NISCH: variants seen among roughly 807,000 people sequenced by gnomAD.
NISCH encodes nischarin.
Under a neutral mutation model 138.4 loss-of-function variants are expected in NISCH, and 55 were observed. The observed-to-expected ratio is 0.40, with a 90% confidence interval of 0.32 to 0.50. The LOEUF is 0.50. NISCH is among the 20% of genes least tolerant of loss of function. The pLI is 0.71. For missense variants in NISCH, 1,643 were observed against 2,005.5 expected (o/e 0.82, Z 3.45); for synonymous variants, 860 against 861.5 (o/e 1.00, Z 0.03).
In NISCH at chr3:52,484,610, T is replaced by G. The variant is rs968305303; in HGVS notation, c.1626T>G (p.Asp542Glu). ...AGCCCATTGCCCAGGGATGTTCTGA[T>G]TCCTTGGAGTCCATCCCTGCGGGAC... ...EHQPIAQGCS[D>E]SLESIPAGQA... The change falls in exon 14 of 21, where the codon GAT becomes GAG. Residue 542 changes from aspartate (D) to glutamate (E), a missense_variant. Transcript: ENST00000345716. 1.2e-6 allele frequency: 2 copies of G among 1,613,868 alleles called. No homozygotes were observed. Among genetic ancestry groups the G allele is most frequent in the Non-Finnish European group, 1.7e-6 (2 of 1,180,014 alleles).
Position 52,490,738 on chromosome 3 carries a change from A to G in NISCH, c.3647A>G (p.Asn1216Ser), listed in dbSNP as rs200423743. The change falls in exon 19 of 21, where the codon AAC (asparagine) becomes AGC (serine). Residue 1216 changes from asparagine (N) to serine (S), a missense_variant. Physicochemically the swap from Asn to Ser is conservative, Grantham distance 46. Transcript: ENST00000345716. ...FWHQKNTDYNNSPFHISQCFV... is the reference protein window; with the variant it reads ...FWHQKNTDYNSSPFHISQCFV... ...CATCAGAAAAACACCGACTACAACAACAGCCCTTTCCACATCTCCCAGTGC... is the reference window on the plus strand; with the variant it reads ...CATCAGAAAAACACCGACTACAACAGCAGCCCTTTCCACATCTCCCAGTGC... 8.1e-6 allele frequency: 13 copies of G among 1,614,112 alleles called. No individual in the cohort carries two copies. In the East Asian group the frequency reaches 2.5e-4, roughly 30 times the overall value.
Position 52,487,665 on chromosome 3 carries a change from T to A in NISCH, c.2173T>A (p.Phe725Ile). The A allele has an allele frequency of 6.2e-7, 1 of 1,613,782 alleles. No homozygotes were observed. The highest frequency in any genetic ancestry group is 1.7e-5 in the Admixed American group (1 of 60,004). Residue 725 changes from phenylalanine to isoleucine, a missense_variant, in exon 16 of 21, where the codon TTC becomes ATC. By Grantham distance (21) the Phe-to-Ile change is conservative (BLOSUM62 0). Transcript: ENST00000345716. This position sits in a 1 kb window ranked among gnomAD's most constrained non-coding sequence, Gnocchi z 9.1. ...CCATGTGCAGGGCAGTATCCGCCAGTTCGCCGCCTGCCTTGTGCTCACCGA... is the reference window on the plus strand; with the variant it reads ...CCATGTGCAGGGCAGTATCCGCCAGATCGCCGCCTGCCTTGTGCTCACCGA... ...LIHVQGSIRQ[F>I]AACLVLTDFG...
intron 3 of NISCH, 151 bp downstream of exon 3, chr3:52,458,995 T>C (rs1055052444): frequency 2.2e-5 from 13 of 593,014 alleles, no homozygotes; most frequent in Admixed American, 3.2e-5. Context: ...TAGGAATGCA[T>C]TGTGGCCAGA....
Position 52,492,889 on chromosome 3 carries a change from G to A in NISCH, c.*407G>A, listed in dbSNP as rs564833054. 8.9e-5 allele frequency: 20 copies of A among 225,672 alleles called. No homozygotes were observed. Among genetic ancestry groups the A allele is most frequent in the African/African-American group, 4.3e-4 (19 of 43,866 alleles). The allele number at this position is 225,672 out of a possible 1,614,324, so 14.0% of individuals were successfully genotyped here. A position where few individuals can be genotyped will look rare whatever the true frequency, so the allele number is the denominator to read the frequency against. On this transcript the variant is annotated 3_prime_UTR_variant, in exon 21 of 21. Coordinates refer to ENST00000345716, the MANE Select transcript of NISCH (RefSeq NM_007184.4). ...GTTGGCATCTTGCTGCTAATCCTGA[G>A]GCTGGTAGCAGAATGCACATTGGAA...
intron 8 of NISCH, among the ~76,000 whole-genome samples, chr3:52,477,289 G>T (rs1559633435): frequency 6.6e-6 from 1 of 152,190 alleles, no homozygotes; most frequent in East Asian, 1.9e-4. Context: ...CAGGGTTGAA[G>T]AAGAACAGAC....
At chr3:52,468,720 G>A (rs1457330387) in intron 3 of NISCH, among the ~76,000 whole-genome samples, 1 of 152,084 alleles carries the variant, frequency 6.6e-6, no homozygotes, top group East Asian at 1.9e-4. Context: ...GGCTCTGTGT[G>A]CTCATTTTGC....
At position 52,487,487 on chromosome 3, in the gene NISCH, G is replaced by A. The variant is rs149246699; in HGVS notation, c.1995G>A (p.Glu665=). 414 of 1,601,560 alleles carry A rather than the reference G, an allele frequency of 2.6e-4. 1 individual carries two copies. Among genetic ancestry groups the A allele is most frequent in the Non-Finnish European group, 3.3e-4 (381 of 1,171,658 alleles). ...TGGGGCCCCCAGACGTGGAGGAGGA[G>A]GAGGGAGGAGGCCAGGGGGAGGAAG... ...FEMGPPDVEE[E]EGGGQGEEEE... is the part of the protein sequence containing the mutation. Residue 665 remains glutamate, a synonymous_variant, in exon 16 of 21, where the codon GAG becomes GAA. Transcript: ENST00000345716. This position sits in a 1 kb window ranked among gnomAD's most constrained non-coding sequence, Gnocchi z 9.1.
chr3:52,457,974 T>C, intron 2 of NISCH, 48 bp downstream of exon 2: 2 of 1,421,584 alleles, frequency 1.4e-6, no homozygotes, highest in Non-Finnish European at 9.9e-7. Flanking sequence ...GGGGGACCCG[T>C]AGGCCAACTT....
intron 7 of NISCH, among the ~76,000 whole-genome samples, chr3:52,475,345 A>G (rs1707070625): frequency 6.6e-6 from 1 of 152,218 alleles, no homozygotes; most frequent in South Asian, 2.1e-4. Flanking sequence ...GGTCTTGTCA[A>G]AACAAATAGG....
Position 52,459,905 on chromosome 3 carries a change from G to A in NISCH, c.360+1061G>A, listed in dbSNP as rs141623564. On this transcript the variant is annotated intron_variant, in intron 3 of 20. Transcript: ENST00000345716. ...GGTTAAAAAAAAAAAATCAGGCCAGGTGCAGTGGCTCATGCCTGTAATCCC... is the reference window on the plus strand; with the variant it reads ...GGTTAAAAAAAAAAAATCAGGCCAGATGCAGTGGCTCATGCCTGTAATCCC... Among the ~76,000 whole-genome samples the A allele has an allele frequency of 1.7e-3, 255 of 151,504 alleles. 2 individuals are homozygous for A. The highest frequency in any genetic ancestry group is 5.9e-3 in the African/African-American group (244 of 41,368).
intron 20 of NISCH, 165 bp downstream of exon 20, chr3:52,491,678 C>T: frequency 1.9e-6 from 2 of 1,044,988 alleles, no homozygotes; most frequent in Non-Finnish European, 2.7e-6. Context: ...GTCTCCACTC[C>T]AGCAGTCCCT....
At chr3:52,489,905 C>T in intron 17 of NISCH, 170 bp from the exon 18 acceptor site, 1 of 1,184,990 alleles carries the variant, frequency 8.4e-7, no homozygotes, top group East Asian at 2.6e-5. Context: ...AGGTAGACCT[C>T]CCACCAACAG....
In NISCH at chr3:52,493,064, C is replaced by G. The variant is rs1483376787; in HGVS notation, c.*582C>G. The G allele has an allele frequency of 1.9e-5, 3 of 154,120 alleles. No individual in the cohort carries two copies. The East Asian group carries it at 5.7e-4, about 30-fold the overall frequency. The allele number at this position is 154,120 out of a possible 1,614,324, so 9.5% of individuals were successfully genotyped here. A position where few individuals can be genotyped will look rare whatever the true frequency, so the allele number is the denominator to read the frequency against. On this transcript the variant is annotated 3_prime_UTR_variant, in exon 21 of 21. Transcript: ENST00000345716. ...TATTCCAATAAAGCAGAGTTTGACA[C>G]CGTCTGCATCTTCTAAACCAAGGGT...
Position 52,488,280 on chromosome 3 carries a change from C to T in NISCH, c.2788C>T (p.Arg930Cys), listed in dbSNP as rs201390995. 45 of 1,610,392 alleles carry T rather than the reference C, an allele frequency of 2.8e-5. No homozygotes were observed. Among genetic ancestry groups the T allele is most frequent in the Admixed American group, 1.3e-4 (8 of 60,006 alleles). ...GGCCGACTTCAACCCCATGCCCAACCGTGGCACCCACAACTGTCGCAACCG... is the reference window on the plus strand; with the variant it reads ...GGCCGACTTCAACCCCATGCCCAACTGTGGCACCCACAACTGTCGCAACCG... Reference protein sequence around the residue: ...IKADFNPMPNRGTHNCRNRNS... With the variant: ...IKADFNPMPNCGTHNCRNRNS... The change falls in exon 16 of 21, where the codon CGT becomes TGT. Residue 930 changes from arginine to cysteine, a missense_variant. Transcript: ENST00000345716.
At chr3:52,455,858 C>A in intron 1 of NISCH, 124 bp downstream of exon 1, 1 of 638,822 alleles carries the variant, frequency 1.6e-6, no homozygotes, top group Non-Finnish European at 2.2e-6. Context: ...TCTGCGATTG[C>A]GAGGAGGGGG....
At chr3:52,481,264 G>C in intron 13 of NISCH, 1 of 1,064,622 alleles carries the variant, frequency 9.4e-7, no homozygotes, top group Non-Finnish European at 1.1e-6. Context: ...AGCCCTCCCA[G>C]CAGGGACAGG....
rs886318099 is a variant in NISCH, at chr3:52,471,853, G to A, written c.449G>A (p.Gly150Glu). Residue 150 changes from glycine (G) to glutamate (E), a missense_variant, in exon 5 of 21, where the codon GGA (glycine) becomes GAA (glutamate). Coordinates refer to ENST00000345716, the MANE Select transcript of NISCH (RefSeq NM_007184.4). Reference sequence around the variant, plus strand: ...GGGGCCGGCGAGGTCTTTGCCATTGGACCCCTGCAGCTGTATGCCGTCACG... The same window carrying A: ...GGGGCCGGCGAGGTCTTTGCCATTGAACCCCTGCAGCTGTATGCCGTCACG... ...LLGAGEVFAI[G>E]PLQLYAVTEQ... 1.7e-5 allele frequency: 27 copies of A among 1,613,824 alleles called. No individual in the cohort carries two copies. Among genetic ancestry groups the A allele is most frequent in the African/African-American group, 2.7e-5 (2 of 74,924 alleles).
At chr3:52,470,523 GT>G (rs1312115099) in intron 3 of NISCH, 5 of 314,644 alleles carry the variant, frequency 1.6e-5, no homozygotes, top group Non-Finnish European at 2.3e-5. Flanking sequence ...CCCAGAGCCA[GT>G]TTTGGGAGCT....
chr3:52,462,933 G>A (rs961141462), intron 3 of NISCH, among the ~76,000 whole-genome samples: 1 of 152,190 alleles, frequency 6.6e-6, no homozygotes, highest in African/African-American at 2.4e-5. Flanking sequence ...ACCACGCCTG[G>A]CCATGGTGTG....
Sources: gnomAD v4.1 joint callset for allele counts (sites outside exome capture counted in the v4.1 genomes callset) on GRCh38, gnomAD v4.1.1 for gene constraint, Gnocchi (gnomAD v3.1) non-coding constraint, MANE v1.5 for transcripts, NCBI Gene and HGNC (gene_info 2026-07-23, HGNC 2026-07-21) for gene names.